The following SCN8A variants were observed in gnomAD, a reference collection of about 807,000 sequenced individuals.
SCN8A encodes the protein sodium channel protein type 8 subunit alpha.
A neutral mutation model predicts 184.1 loss-of-function variants in SCN8A; 30 were observed. The ratio of observed to expected loss-of-function variants is 0.16; its 90% CI spans 0.12 to 0.22. SCN8A has a LOEUF of 0.22. Among genes scored for constraint, SCN8A ranks in the 10% least tolerant of loss-of-function variants. SCN8A has a pLI of 1.00. For synonymous variants in SCN8A, 852 were observed against 907.0 expected, an observed-to-expected ratio of 0.94 and a Z score of 1.09; for missense variants, 1,057 against 2,498.9, an observed-to-expected ratio of 0.42 and a Z score of 12.30.
At chr12:51,779,958 G>A (rs1937842247) in intron 20 of SCN8A, among the ~76,000 whole-genome samples, 1 of 150,504 alleles carries the variant, frequency 6.6e-6, no homozygotes. Flanking sequence ...TTAAAAGATA[G>A]AGATAGAACT....
intron 8 of SCN8A, 134 bp from the exon 9 acceptor site, chr12:51,702,639 G>T: frequency 1.5e-6 from 1 of 687,688 alleles, no homozygotes; most frequent in Non-Finnish European, 2.1e-6. Context: ...CTAATTTGTT[G>T]GCCTGGCTCT....
chr12:51,800,588 A>G (rs1027294319), intron 26 of SCN8A, among the ~76,000 whole-genome samples: 2 of 152,224 alleles, frequency 1.3e-5, no homozygotes, highest in Non-Finnish European at 2.9e-5. Context: ...GGATTCTGCC[A>G]GTTGCTAAGT....
chr12:51,621,928 G>A (rs1362036188), intron 1 of SCN8A, among the ~76,000 whole-genome samples: 1 of 152,210 alleles, frequency 6.6e-6, no homozygotes, highest in Non-Finnish European at 1.5e-5. Context: ...GCATCTGACC[G>A]TGAATGTGCC....
chr12:51,658,375 T>A (rs1940863758), intron 1 of SCN8A, among the ~76,000 whole-genome samples: 1 of 152,148 alleles, frequency 6.6e-6, no homozygotes, highest in African/African-American at 2.4e-5. Context: ...TGGTGGCTAT[T>A]ATAATTGGGA....
At chr12:51,617,644 TG>T (rs1939869976) in intron 1 of SCN8A, among the ~76,000 whole-genome samples, 2 of 152,202 alleles carry the variant, frequency 1.3e-5, no homozygotes, top group African/African-American at 4.8e-5. Context: ...CAAGTTTTTT[TG>T]TATGTTAGTT....
intron 2 of SCN8A, among the ~76,000 whole-genome samples, chr12:51,683,304 G>A (rs1243351258): frequency 2.6e-5 from 4 of 152,154 alleles, no homozygotes; most frequent in African/African-American, 7.2e-5. Flanking sequence ...AGGGCATTCT[G>A]GGTAGAATGA....
chr12:51,621,162 C>T (rs1041326081), intron 1 of SCN8A, among the ~76,000 whole-genome samples: 11 of 152,140 alleles, frequency 7.2e-5, no homozygotes, highest in Admixed American at 1.3e-4. Flanking sequence ...GAAAGACTGT[C>T]AAGAAATTTT....
intron 1 of SCN8A, among the ~76,000 whole-genome samples, chr12:51,646,803 G>C (rs1182423175): frequency 1.3e-5 from 2 of 152,146 alleles, no homozygotes; most frequent in Non-Finnish European, 2.9e-5. Context: ...ATAGGTGATG[G>C]GGGAATGGGG....
intron 1 of SCN8A, among the ~76,000 whole-genome samples, chr12:51,626,151 G>A (rs1318242560): frequency 1.3e-5 from 2 of 152,168 alleles, no homozygotes; most frequent in East Asian, 3.9e-4. Flanking sequence ...AAACAGGTTA[G>A]AATTGGCCAA....
intron 26 of SCN8A, among the ~76,000 whole-genome samples, chr12:51,795,338 G>A (rs140409111): frequency 6.6e-6 from 1 of 152,330 alleles, no homozygotes; most frequent in African/African-American, 2.4e-5. Flanking sequence ...TGGCAGGCAG[G>A]CAGAAGGAAA....
At chr12:51,779,543 T>C (rs17126078) in intron 20 of SCN8A, among the ~76,000 whole-genome samples, 18,958 of 152,124 alleles carry the variant, frequency 0.12, 1,451 homozygotes, top group East Asian at 0.36. Flanking sequence ...TGGAATGTTG[T>C]TGTGTAACCT....
chr12:51,643,610 A>T (rs1263561688), intron 1 of SCN8A, among the ~76,000 whole-genome samples: 1 of 152,168 alleles, frequency 6.6e-6, no homozygotes, highest in Non-Finnish European at 1.5e-5. Flanking sequence ...TATTTTGTAT[A>T]ATAGTTTAGA....
At chr12:51,699,912 A>C in intron 7 of SCN8A, 121 bp downstream of exon 7, 1 of 748,662 alleles carries the variant, frequency 1.3e-6, no homozygotes, top group Non-Finnish European at 2.2e-6. Context: ...CACTCCTATA[A>C]TCCTAGCACT....
At chr12:51,603,925 T>G (rs1455795552) in intron 1 of SCN8A, among the ~76,000 whole-genome samples, 2 of 152,226 alleles carry the variant, frequency 1.3e-5, no homozygotes, top group African/African-American at 4.8e-5. Context: ...CTATGAGTTT[T>G]GAGATTTTTG....
At chr12:51,645,083 A>G (rs1343238482) in intron 1 of SCN8A, among the ~76,000 whole-genome samples, 34 of 119,704 alleles carry the variant, frequency 2.8e-4, no homozygotes, top group Admixed American at 9.1e-4. Context: ...AGGTGGGGGG[A>G]TCAGCCCCCC....
intron 12 of SCN8A, among the ~76,000 whole-genome samples, chr12:51,723,618 G>A (rs944415367): frequency 6.6e-6 from 1 of 152,212 alleles, no homozygotes; most frequent in African/African-American, 2.4e-5. Context: ...GCTCACGCCT[G>A]TAATCCCAGC....
intron 12 of SCN8A, among the ~76,000 whole-genome samples, chr12:51,729,704 A>G (rs749310425): frequency 6.6e-6 from 1 of 152,204 alleles, no homozygotes; most frequent in Admixed American, 6.5e-5. Flanking sequence ...TTCCTGGGTC[A>G]TATGGTAAAT....
At chr12:51,744,692 G>T (rs931916895) in intron 12 of SCN8A, among the ~76,000 whole-genome samples, 1 of 149,444 alleles carries the variant, frequency 6.7e-6, no homozygotes, top group South Asian at 2.1e-4. Context: ...TAATCCTGCC[G>T]CCTCCACCAC....
intron 1 of SCN8A, among the ~76,000 whole-genome samples, chr12:51,626,664 T>A (rs1391838373): frequency 6.6e-6 from 1 of 152,164 alleles, no homozygotes; most frequent in Non-Finnish European, 1.5e-5. Context: ...AAATAGAGTA[T>A]GTTTCTCTTC....
Sources: allele counts gnomAD v4.1 joint callset (sites outside exome capture counted in the v4.1 genomes callset), GRCh38; gene constraint gnomAD v4.1.1; transcripts MANE v1.5; gene names NCBI Gene and HGNC (gene_info 2026-07-23, HGNC 2026-07-21).